EDIL3: variants seen among roughly 807,000 people sequenced by gnomAD.
EDIL3 encodes EGF-like repeat and discoidin I-like domain-containing protein 3.
A neutral mutation model predicts 67.4 loss-of-function variants in EDIL3; 37 were observed. The observed-to-expected ratio is 0.55, with a 90% CI of 0.42 to 0.72. EDIL3 has a LOEUF of 0.72. EDIL3 is among the 30% of genes least tolerant of loss of function. The pLI, the probability that EDIL3 is intolerant of heterozygous loss-of-function variation, is 0.00. For synonymous variants in EDIL3, 195 were observed against 196.3 expected (o/e 0.99, Z 0.05); for missense variants, 527 against 586.3 (o/e 0.90, Z 1.04).
At chr5:84,002,310 C>A (rs978323899) in intron 9 of EDIL3, among the ~76,000 whole-genome samples, 7 of 151,878 alleles carry the variant, frequency 4.6e-5, no homozygotes, top group African/African-American at 1.7e-4. Flanking sequence ...CCATACGTGA[C>A]ACACTCACAA....
At chr5:84,346,654 A>G (rs948486121) in intron 1 of EDIL3, among the ~76,000 whole-genome samples, 1 of 152,146 alleles carries the variant, frequency 6.6e-6, no homozygotes, top group African/African-American at 2.4e-5. Context: ...TCCATTTTAA[A>G]TAGCTATTGG....
At chr5:84,069,550 G>A (rs994233291) in intron 6 of EDIL3, among the ~76,000 whole-genome samples, 12 of 151,958 alleles carry the variant, frequency 7.9e-5, no homozygotes, top group Middle Eastern at 6.8e-3. Context: ...TTTATTTTAA[G>A]TTTTTGGTTT....
chr5:84,032,089 T>C (rs954649681), intron 9 of EDIL3, among the ~76,000 whole-genome samples: 2 of 152,218 alleles, frequency 1.3e-5, no homozygotes, highest in Non-Finnish European at 2.9e-5. Context: ...TAAAGTTTTA[T>C]CTGAAATGAA....
At chr5:83,969,779 T>A (rs1338202565) in intron 9 of EDIL3, among the ~76,000 whole-genome samples, 1 of 151,928 alleles carries the variant, frequency 6.6e-6, no homozygotes, top group Non-Finnish European at 1.5e-5. Context: ...AAAAAATTGA[T>A]ACATAATAAT....
rs745724367 is a variant in EDIL3 at position 84,060,366 on chromosome 5, C to A, written c.1071G>T (p.Arg357=). ...CATTCACTTTGCCTTGCTTGTCCAG[C>A]CGAGCTTTCCTTGGTTCCCAAGTGA... ...DMFTWEPRKA[R]LDKQGKVNAW... is the part of the protein sequence containing the mutation. Residue 357 remains arginine (R), a synonymous_variant, in exon 9 of 11, where the codon CGG becomes CGT. Coordinates refer to ENST00000296591, the MANE Select transcript of EDIL3 (RefSeq NM_005711.5). 6.2e-7 allele frequency: 1 copy of A among 1,613,820 alleles called. No homozygotes were observed. Among genetic ancestry groups the A allele is most frequent in the Non-Finnish European group, 8.5e-7 (1 of 1,179,840 alleles).
Position 83,999,670 on chromosome 5 carries a change from A to G in EDIL3, c.1138-36310T>C, listed in dbSNP as rs182752554. On this transcript the variant is annotated intron_variant, in intron 9 of 10. Transcript: ENST00000296591. ...CTAGAAAATAGCCTCAAAGTGGCCA[A>G]TCTAAGGGTTGATGGCCTTAAAGAG... Among the ~76,000 whole-genome samples, 368 of 152,252 alleles carry G rather than the reference A, an allele frequency of 2.4e-3. 3 individuals carry two copies. The highest frequency in any genetic ancestry group is 8.4e-3 in the African/African-American group (350 of 41,554).
At chr5:84,370,371 C>G (rs1312493420) in intron 1 of EDIL3, among the ~76,000 whole-genome samples, 1 of 152,158 alleles carries the variant, frequency 6.6e-6, no homozygotes, top group East Asian at 1.9e-4. Context: ...AGTACTTCTG[C>G]TTTTAGCAGG....
At chr5:84,371,675 T>G (rs1209427858) in intron 1 of EDIL3, among the ~76,000 whole-genome samples, 1 of 151,612 alleles carries the variant, frequency 6.6e-6, no homozygotes, top group Admixed American at 6.6e-5. Flanking sequence ...ACTCCATATC[T>G]GAGGGGAAAG....
chr5:84,113,943 G>A (rs1216251182), intron 5 of EDIL3, among the ~76,000 whole-genome samples: 1 of 152,084 alleles, frequency 6.6e-6, no homozygotes, highest in East Asian at 1.9e-4. Context: ...CTGGTGAATG[G>A]ATTAGTGATG....
rs145967872 is a variant in EDIL3 at position 83,944,662 on chromosome 5, A to G, written c.1294-1094T>C. Among the ~76,000 whole-genome samples, 54 of 152,028 alleles carry G rather than the reference A, an allele frequency of 3.6e-4. 1 individual carries two copies. The highest frequency in any genetic ancestry group is 8.5e-4 in the Admixed American group (13 of 15,230). On this transcript the variant is annotated intron_variant, in intron 10 of 10. Transcript: ENST00000296591. ...TATTAAAGTGATTTCTAACTATTTTATATCTACATTTTTAAAAATTTAGAT... is the reference window on the plus strand; with the variant it reads ...TATTAAAGTGATTTCTAACTATTTTGTATCTACATTTTTAAAAATTTAGAT...
intron 4 of EDIL3, among the ~76,000 whole-genome samples, chr5:84,174,523 C>T (rs547744344): frequency 7.9e-5 from 12 of 152,202 alleles, no homozygotes; most frequent in South Asian, 6.2e-4. Flanking sequence ...AGTCTTTTTC[C>T]AGCCTGGAGG....
intron 5 of EDIL3, among the ~76,000 whole-genome samples, chr5:84,132,749 A>G (rs1174049550): frequency 6.7e-6 from 1 of 150,302 alleles, no homozygotes; most frequent in Non-Finnish European, 1.5e-5. Flanking sequence ...ATATATTCAT[A>G]GGTATTATTT....
At chr5:84,366,762 G>A (rs1367521335) in intron 1 of EDIL3, among the ~76,000 whole-genome samples, 1 of 152,130 alleles carries the variant, frequency 6.6e-6, no homozygotes, top group African/African-American at 2.4e-5. Context: ...CTGCTAGTAG[G>A]TGAGTTATTT....
chr5:84,155,523 A>T (rs930361117), intron 4 of EDIL3, among the ~76,000 whole-genome samples: 3 of 152,164 alleles, frequency 2.0e-5, no homozygotes, highest in African/African-American at 7.2e-5. Flanking sequence ...ACGTAACGTT[A>T]TTCGTTACTC....
intron 1 of EDIL3, among the ~76,000 whole-genome samples, chr5:84,379,657 A>G (rs1580112995): frequency 6.6e-6 from 1 of 152,230 alleles, no homozygotes; most frequent in South Asian, 2.1e-4. Context: ...CTTGGAAGGT[A>G]CTTAGAAGAC....
chr5:84,192,527 G>A (rs1344382311), intron 3 of EDIL3, among the ~76,000 whole-genome samples: 1 of 151,568 alleles, frequency 6.6e-6, no homozygotes, highest in African/African-American at 2.4e-5. Context: ...TTCCTAGATA[G>A]CCCAAAGTTT....
At chr5:84,261,009 C>T (rs550874192) in intron 1 of EDIL3, among the ~76,000 whole-genome samples, 8 of 152,188 alleles carry the variant, frequency 5.3e-5, no homozygotes, top group South Asian at 4.1e-4. Context: ...CAATGCAGCT[C>T]TGTGCATTAC....
At position 84,063,354 on chromosome 5, in the gene EDIL3, T is replaced by G. The variant is rs1022051650; in HGVS notation, c.952+1346A>C. On this transcript the variant is annotated intron_variant, in intron 8 of 10. Coordinates refer to ENST00000296591, the MANE Select transcript of EDIL3 (RefSeq NM_005711.5). The stretch of plus-strand genomic sequence containing the variant: ...AAACACTGTATAGCAATAAGTCTGC[T>G]AAGATTTACTGGATCTTAATAACTG... 2.0e-5 allele frequency among the ~76,000 whole-genome samples: 3 copies of G among 152,136 alleles called. No homozygotes were observed. The South Asian group carries it at 6.2e-4, about 31-fold the overall frequency.
chr5:84,144,517 G>A, intron 4 of EDIL3, among the ~76,000 whole-genome samples: 1 of 152,096 alleles, frequency 6.6e-6, no homozygotes, highest in East Asian at 1.9e-4. Context: ...AATTGGTCTG[G>A]CAGACTAGGG....
Sources: allele counts gnomAD v4.1 joint callset (sites outside exome capture counted in the v4.1 genomes callset), GRCh38; gene constraint gnomAD v4.1.1; transcripts MANE v1.5; gene names NCBI Gene and HGNC (gene_info 2026-07-23, HGNC 2026-07-21).